Variants in CNTLN observed in about 807,000 individuals in gnomAD.
CNTLN encodes centlein, centrosomal protein.
CNTLN carries 212 observed loss-of-function variants against 180.0 expected under a neutral mutation model. The ratio of observed to expected loss-of-function variants is 1.18; its 90% CI spans 1.05 to 1.32. The LOEUF (loss-of-function observed/expected upper bound fraction) is 1.32, where lower values mean the gene tolerates loss of function less well. Ranked by LOEUF, CNTLN falls within the 40% of genes most tolerant of loss-of-function variation. The pLI, the probability that CNTLN is intolerant of heterozygous loss-of-function variation, is 0.00. For missense variants in CNTLN, 2,095 were observed against 1,610.9 expected (o/e 1.30, Z -5.14); for synonymous variants, 722 against 563.1 (o/e 1.28, Z -3.99).
At chr9:17,457,010 C>T (rs1030101107) in intron 18 of CNTLN, among the ~76,000 whole-genome samples, 22 of 152,134 alleles carry the variant, frequency 1.4e-4, no homozygotes, top group African/African-American at 4.6e-4. Flanking sequence ...TTTGTTTGCA[C>T]GCTATTTATT....
At chr9:17,424,655 G>A (rs191839191) in intron 18 of CNTLN, among the ~76,000 whole-genome samples, 1 of 152,274 alleles carries the variant, frequency 6.6e-6, no homozygotes, top group East Asian at 1.9e-4. Context: ...AGTTTTATGT[G>A]TTGGAAACTT....
chr9:17,266,802 T>A (rs1827492721), intron 5 of CNTLN, among the ~76,000 whole-genome samples: 1 of 152,200 alleles, frequency 6.6e-6, no homozygotes, highest in Non-Finnish European at 1.5e-5. Context: ...ATGGCCTTCT[T>A]TGTCTCTTTT....
chr9:17,152,899 T>C (rs533183967), intron 2 of CNTLN, among the ~76,000 whole-genome samples: 30 of 152,344 alleles, frequency 2.0e-4, no homozygotes, highest in African/African-American at 6.3e-4. Context: ...TTGATCCCTT[T>C]ACCATCATGT....
At chr9:17,450,171 C>A (rs565879604) in intron 18 of CNTLN, among the ~76,000 whole-genome samples, 1 of 152,240 alleles carries the variant, frequency 6.6e-6, no homozygotes, top group Admixed American at 6.5e-5. Flanking sequence ...TTTTCAGACC[C>A]ATAAAAAAAC....
chr9:17,227,841 G>A (rs2132096002), intron 3 of CNTLN, among the ~76,000 whole-genome samples: 1 of 151,934 alleles, frequency 6.6e-6, no homozygotes, highest in African/African-American at 2.4e-5. Flanking sequence ...AATTTGTTCT[G>A]GAAAGAAACA....
intron 18 of CNTLN, among the ~76,000 whole-genome samples, chr9:17,427,644 A>G (rs1354511934): frequency 6.6e-6 from 1 of 152,078 alleles, no homozygotes; most frequent in Non-Finnish European, 1.5e-5. Context: ...TTCCCACTTA[A>G]TATTTTCTTT....
intron 5 of CNTLN, among the ~76,000 whole-genome samples, chr9:17,241,157 C>T (rs1825467281): frequency 6.6e-6 from 1 of 152,186 alleles, no homozygotes; most frequent in South Asian, 2.1e-4. Context: ...CGCAGCCAGC[C>T]TGCAGTGTTT....
chr9:17,276,309 C>G (rs1828308281), intron 6 of CNTLN, among the ~76,000 whole-genome samples: 1 of 151,870 alleles, frequency 6.6e-6, no homozygotes, highest in Non-Finnish European at 1.5e-5. Context: ...TACTGTGTGT[C>G]TTGTTTCTTT....
chr9:17,164,766 G>A (rs1306063200), intron 2 of CNTLN, among the ~76,000 whole-genome samples: 1 of 150,798 alleles, frequency 6.6e-6, no homozygotes, highest in African/African-American at 2.4e-5. Flanking sequence ...TTATTTTTAT[G>A]TAAGACTTTA....
At chr9:17,336,169 A>T (rs182842144) in intron 10 of CNTLN, among the ~76,000 whole-genome samples, 116 of 152,274 alleles carry the variant, frequency 7.6e-4, no homozygotes, top group African/African-American at 2.6e-3. Context: ...GTTCCCAAAT[A>T]AAGTACTATT....
At chr9:17,507,314 T>A (rs535825312), downstream of CNTLN, among the ~76,000 whole-genome samples, 1 of 152,288 alleles carries the variant, frequency 6.6e-6, no homozygotes, top group African/African-American at 2.4e-5. Context: ...TTGCACAGGC[T>A]ATGCTTTTGT....
At chr9:17,495,223 T>C (rs1302681401) in intron 25 of CNTLN, among the ~76,000 whole-genome samples, 1 of 151,756 alleles carries the variant, frequency 6.6e-6, no homozygotes, top group Non-Finnish European at 1.5e-5. Flanking sequence ...TGTACTCTTA[T>C]ACTTATTAAA....
chr9:17,344,010 A>G (rs115414953), intron 12 of CNTLN, among the ~76,000 whole-genome samples: 2,500 of 152,278 alleles, frequency 0.016, 73 homozygotes, highest in African/African-American at 0.057. Flanking sequence ...AAATGTATCA[A>G]TGCTTTTATC....
intron 5 of CNTLN, among the ~76,000 whole-genome samples, chr9:17,268,011 C>T (rs180924075): frequency 3.0e-4 from 45 of 152,084 alleles, no homozygotes; most frequent in African/African-American, 1.1e-3. Flanking sequence ...AGTAGTTTGA[C>T]TGTTTGAAGC....
At chr9:17,428,574 G>C (rs1829231098) in intron 18 of CNTLN, among the ~76,000 whole-genome samples, 1 of 152,032 alleles carries the variant, frequency 6.6e-6, no homozygotes, top group Admixed American at 6.6e-5. Context: ...TTTGCACAGT[G>C]GAAGCTTTTG....
At chr9:17,413,530 A>G (rs1828008212) in intron 16 of CNTLN, among the ~76,000 whole-genome samples, 1 of 152,196 alleles carries the variant, frequency 6.6e-6, no homozygotes, top group Non-Finnish European at 1.5e-5. Context: ...AAAGTCTCAT[A>G]GCTTGAATAT....
intron 14 of CNTLN, among the ~76,000 whole-genome samples, chr9:17,391,829 G>T (rs1826137563): frequency 6.6e-6 from 1 of 151,978 alleles, no homozygotes; most frequent in African/African-American, 2.4e-5. Flanking sequence ...TTACTGTCAG[G>T]AATTATGGTT....
chr9:17,419,968 G>A (rs1414477105), intron 18 of CNTLN, among the ~76,000 whole-genome samples: 1 of 152,186 alleles, frequency 6.6e-6, no homozygotes, highest in Non-Finnish European at 1.5e-5. Context: ...AGGCTGGAGA[G>A]CAGTGGCGCA....
chr9:17,393,657 C>G (rs536679389), intron 14 of CNTLN, among the ~76,000 whole-genome samples: 1 of 152,202 alleles, frequency 6.6e-6, no homozygotes, highest in African/African-American at 2.4e-5. Flanking sequence ...CAGAAGAGAT[C>G]ATGTTGATCA....
Sources: gnomAD v4.1 joint callset for allele counts (sites outside exome capture counted in the v4.1 genomes callset) on GRCh38, gnomAD v4.1.1 for gene constraint, MANE v1.5 for transcripts, NCBI Gene and HGNC (gene_info 2026-07-23, HGNC 2026-07-21) for gene names.